Variants in OSBPL5 observed in about 807,000 individuals in gnomAD.
The protein encoded by OSBPL5 is oxysterol binding protein like 5, also known as oxysterol-binding protein-related protein 5.
OSBPL5 carries 71 observed loss-of-function variants against 111.2 expected under a neutral mutation model. The observed-to-expected ratio is 0.64, with a 90% CI of 0.53 to 0.78. The LOEUF is 0.78. Ranked by LOEUF, OSBPL5 falls within the 30% of genes least tolerant of loss-of-function variation. OSBPL5 has a pLI of 0.00. For synonymous variants in OSBPL5, 549 were observed against 513.9 expected (o/e 1.07, Z -0.93); for missense variants, 1,210 against 1,189.3 (o/e 1.02, Z -0.26).
Position 3,121,975 on chromosome 11 carries a change from C to G in OSBPL5, c.402+22G>C. The G allele has an allele frequency of 6.5e-7, 1 of 1,542,602 alleles. No homozygotes were observed. Among genetic ancestry groups the G allele is most frequent in the Non-Finnish European group, 8.7e-7 (1 of 1,147,628 alleles). ...GCACGCTGACCCGTGTCCTGGGTGGCCGGAGGCCGGGCATCACCTACCTTC... is the reference window on the plus strand; with the variant it reads ...GCACGCTGACCCGTGTCCTGGGTGGGCGGAGGCCGGGCATCACCTACCTTC... On this transcript the variant is annotated intron_variant, in intron 5 of 21. Transcript: ENST00000263650. This position sits in a 1 kb window ranked among gnomAD's most constrained non-coding sequence, Gnocchi z 4.3.
intron 11 of OSBPL5, 92 bp downstream of exon 11, chr11:3,103,147 G>GC: frequency 8.9e-7 from 1 of 1,124,774 alleles, no homozygotes. Context: ...GTAGGGGGTG[G>GC]CCCGGGGACT....
chr11:3,100,923 G>C (rs576495414), intron 13 of OSBPL5, among the ~76,000 whole-genome samples: 4 of 151,812 alleles, frequency 2.6e-5, no homozygotes, highest in Admixed American at 2.6e-4. Context: ...GGCCAACACT[G>C]AGCCTGTGTG....
At chr11:3,160,532 T>G (rs1207782978) in intron 1 of OSBPL5, among the ~76,000 whole-genome samples, 1 of 152,006 alleles carries the variant, frequency 6.6e-6, no homozygotes, top group Non-Finnish European at 1.5e-5. Flanking sequence ...TTTAGTTGAC[T>G]CTGTCTTATT....
intron 1 of OSBPL5, among the ~76,000 whole-genome samples, chr11:3,143,405 C>T (rs1188774564): frequency 3.3e-5 from 5 of 152,214 alleles, no homozygotes; most frequent in African/African-American, 7.2e-5. Flanking sequence ...CGCGCACGCA[C>T]GCTCCCAGCA....
intron 11 of OSBPL5, 78 bp downstream of exon 11, chr11:3,103,161 G>T: frequency 7.5e-7 from 1 of 1,331,764 alleles, no homozygotes; most frequent in Non-Finnish European, 1.0e-6. Context: ...GGGGACTCAG[G>T]GAAGTGCCAA....
intron 10 of OSBPL5, among the ~76,000 whole-genome samples, chr11:3,103,760 T>TGCAGCCCTCTTCCTGCCTGC (rs1857560116): frequency 3.2e-4 from 9 of 27,714 alleles, no homozygotes; most frequent in Admixed American, 1.6e-3. Context: ...CTTCCAGCTC[T>TGCAGCCCTCTTCCTGCCTGC]GCAGCCCCCT....
At chr11:3,138,615 C>T (rs1315930400) in intron 1 of OSBPL5, among the ~76,000 whole-genome samples, 1 of 152,236 alleles carries the variant, frequency 6.6e-6, no homozygotes, top group African/African-American at 2.4e-5. Flanking sequence ...AAGACGCTCG[C>T]CTGCCGTGCT....
rs781620132 is a variant in OSBPL5, at chr11:3,107,846, G to A, written c.791C>T (p.Ser264Leu). ...KPGRDGEPGTSPDASPSSLCG... is the reference protein window; with the variant it reads ...KPGRDGEPGTLPDASPSSLCG... ...GAGCGATGAGGGTGATGCGTCTGGCGAGGTCCCTGGCTCCCCGTCTCGGCC... is the reference window on the plus strand; with the variant it reads ...GAGCGATGAGGGTGATGCGTCTGGCAAGGTCCCTGGCTCCCCGTCTCGGCC... The change falls in exon 8 of 22, where the codon TCG becomes TTG. Residue 264 changes from serine to leucine, a missense_variant. Coordinates refer to ENST00000263650, the MANE Select transcript of OSBPL5 (RefSeq NM_020896.4). The surrounding 1 kb of genome is among the most constrained non-coding windows in gnomAD (Gnocchi z 6.1). The A allele has an allele frequency of 8.1e-6, 13 of 1,611,420 alleles. No homozygotes were observed. The highest frequency in any genetic ancestry group is 1.1e-5 in the Non-Finnish European group (13 of 1,179,956).
intron 11 of OSBPL5, 94 bp from the exon 12 acceptor site, chr11:3,102,375 T>A: frequency 1.7e-6 from 2 of 1,177,148 alleles, no homozygotes; most frequent in Admixed American, 4.0e-5. Flanking sequence ...GCAGCGTGGG[T>A]GGGCTACCCG....
intron 1 of OSBPL5, 64 bp from the exon 2 acceptor site, chr11:3,129,233 G>A (rs1291269139): frequency 7.5e-7 from 1 of 1,329,786 alleles, no homozygotes. Flanking sequence ...AGAGCCACAT[G>A]GTGGGGGTGC....
chr11:3,123,961 G>A (rs1337398438), intron 3 of OSBPL5, among the ~76,000 whole-genome samples: 1 of 152,240 alleles, frequency 6.6e-6, no homozygotes, highest in African/African-American at 2.4e-5. Flanking sequence ...TAGGCACTGA[G>A]GTTAGAAAGT....
chr11:3,137,152 G>T (rs372871837), intron 1 of OSBPL5, among the ~76,000 whole-genome samples: 3 of 152,172 alleles, frequency 2.0e-5, no homozygotes, highest in African/African-American at 7.2e-5. Flanking sequence ...AGGAAACCAC[G>T]CAGGCCTCCT....
intron 7 of OSBPL5, among the ~76,000 whole-genome samples, chr11:3,111,669 T>A (rs1364701704): frequency 1.3e-5 from 2 of 151,460 alleles, no homozygotes; most frequent in Non-Finnish European, 2.9e-5. Context: ...GTGGCTGAAT[T>A]CCCCTCCCCA....
At position 3,105,768 on chromosome 11, in the gene OSBPL5, C is replaced by T. The variant is rs746689816; in HGVS notation, c.1060-1391G>A. On this transcript the variant is annotated intron_variant, in intron 9 of 21. Coordinates refer to ENST00000263650, the MANE Select transcript of OSBPL5 (RefSeq NM_020896.4). The surrounding 1 kb of genome is among the most constrained non-coding windows in gnomAD (Gnocchi z 5.2). ...TGGGTGCCCGGGCCCCTTGGCTGCC[C>T]GCTCCATGCCCTCTGCCCGGAGCCC... Among the ~76,000 whole-genome samples, 4 of 152,204 alleles carry T rather than the reference C, an allele frequency of 2.6e-5. No individual in the cohort carries two copies. The highest frequency in any genetic ancestry group is 4.8e-5 in the African/African-American group (2 of 41,456).
At chr11:3,101,235 A>G (rs1469738417) in intron 13 of OSBPL5, among the ~76,000 whole-genome samples, 8 of 151,024 alleles carry the variant, frequency 5.3e-5, no homozygotes, top group African/African-American at 2.0e-4. Context: ...TCGGCCTCCC[A>G]AAGTGCTGGG....
intron 1 of OSBPL5, among the ~76,000 whole-genome samples, chr11:3,158,988 G>A (rs1365409656): frequency 6.6e-6 from 1 of 152,140 alleles, no homozygotes; most frequent in African/African-American, 2.4e-5. Flanking sequence ...CCTTAAAGAT[G>A]GAGAAACTGA....
At chr11:3,101,471 T>C in intron 13 of OSBPL5, 132 bp downstream of exon 13, 2 of 823,468 alleles carry the variant, frequency 2.4e-6, no homozygotes, top group Non-Finnish European at 3.8e-6. Flanking sequence ...CACCACATGG[T>C]CTCTGACTAG....
chr11:3,116,086 G>A (rs1258019588), intron 7 of OSBPL5, among the ~76,000 whole-genome samples: 1 of 151,918 alleles, frequency 6.6e-6, no homozygotes, highest in Non-Finnish European at 1.5e-5. Flanking sequence ...TGACATATTT[G>A]GCTTATTTGG....
At chr11:3,102,506 A>G (rs1564828544) in intron 11 of OSBPL5, among the ~76,000 whole-genome samples, 1 of 152,034 alleles carries the variant, frequency 6.6e-6, no homozygotes. Flanking sequence ...AATCCTGTCC[A>G]CTTCTTAGCT....
Sources: allele counts gnomAD v4.1 joint callset (sites outside exome capture counted in the v4.1 genomes callset), GRCh38; gene constraint gnomAD v4.1.1; non-coding constraint Gnocchi (gnomAD v3.1); transcripts MANE v1.5; gene names NCBI Gene and HGNC (gene_info 2026-07-23, HGNC 2026-07-21).